TIGD5: variants seen among roughly 807,000 people sequenced by gnomAD.
TIGD5 encodes tigger transposable element-derived protein 5.
TIGD5 carries 24 observed loss-of-function variants against 28.8 expected under a neutral mutation model. That is an observed-to-expected ratio of 0.83 (90% CI 0.60 to 1.17). TIGD5 has a LOEUF of 1.17. TIGD5 is among the 50% of genes most tolerant of loss of function. The pLI, the probability that TIGD5 is intolerant of heterozygous loss-of-function variation, is 0.00. For synonymous variants in TIGD5, 538 were observed against 430.5 expected (o/e 1.25, Z -3.09); for missense variants, 922 against 911.4 (o/e 1.01, Z -0.15).
rs1198043408 is a variant in TIGD5, at chr8:143,597,880, G to A, written c.-24G>A. The A allele has an allele frequency of 2.8e-5, 22 of 797,416 alleles. No homozygotes were observed. The highest frequency in any genetic ancestry group is 3.3e-5 in the Non-Finnish European group (22 of 660,758). The allele number at this position is 797,416 out of a possible 1,614,324, so 49.4% of individuals were successfully genotyped here. On this transcript the variant is annotated 5_prime_UTR_variant, in exon 1 of 1. Coordinates refer to ENST00000504548, the MANE Select transcript of TIGD5 (RefSeq NM_032862.5). ...GCGTGTGGCTCCCGCGACCCGCGCGGCCCGGGTCCCCCCCGCCGCAGCCAT... is the reference window on the plus strand; with the variant it reads ...GCGTGTGGCTCCCGCGACCCGCGCGACCCGGGTCCCCCCCGCCGCAGCCAT...
chr8:143,598,695 G>A lies in TIGD5; in HGVS notation c.792G>A (p.Gly264=). ...APPGAGDPGA[G]GCGRRWRGDR... Reference sequence around the variant, plus strand: ...CGGGCGCAGGGGACCCCGGGGCGGGGGGCTGTGGCCGGCGCTGGCGGGGCG... The same window carrying A: ...CGGGCGCAGGGGACCCCGGGGCGGGAGGCTGTGGCCGGCGCTGGCGGGGCG... Residue 264 remains glycine, a synonymous_variant, in exon 1 of 1, where the codon GGG becomes GGA. Transcript: ENST00000504548. This position sits in a 1 kb window ranked among gnomAD's most constrained non-coding sequence, Gnocchi z 6.6. 3 of 1,501,896 alleles carry A rather than the reference G, an allele frequency of 2.0e-6. No homozygotes were observed. Among genetic ancestry groups the A allele is most frequent in the Non-Finnish European group, 2.6e-6 (3 of 1,135,528 alleles). The allele number at this position is 1,501,896 out of a possible 1,614,324, so 93.0% of individuals were successfully genotyped here.
At position 143,598,224 on chromosome 8, in the gene TIGD5, T is replaced by G. The variant is rs372529199; in HGVS notation, c.321T>G (p.Gly107=). The change falls in exon 1 of 1, where the codon GGT becomes GGG. Residue 107 remains glycine, a synonymous_variant. Coordinates refer to ENST00000504548, the MANE Select transcript of TIGD5 (RefSeq NM_032862.5). This position sits in a 1 kb window ranked among gnomAD's most constrained non-coding sequence, Gnocchi z 6.6. ...KLRWFLEQLG[G]EVGTQRKKMR... is the part of the protein sequence containing the mutation. ...GCTGGTTCCTGGAGCAGCTGGGCGG[T>G]GAGGTGGGCACTCAGCGCAAGAAGA... 12 of 1,607,370 alleles carry G rather than the reference T, an allele frequency of 7.5e-6. No individual in the cohort carries two copies. The South Asian group carries it at 1.3e-4, about 18-fold the overall frequency.
Position 143,599,929 on chromosome 8 carries a change from C to T in TIGD5, c.*97C>T. On this transcript the variant is annotated 3_prime_UTR_variant, in exon 1 of 1. Transcript: ENST00000504548. ...CCTCCCCTCCCCCTGGGGTGGCCCA[C>T]CGCATGGGTACAGGGGGTTCCAGGA... 4 of 1,335,066 alleles carry T rather than the reference C, an allele frequency of 3.0e-6. No individual in the cohort carries two copies. The highest frequency in any genetic ancestry group is 2.9e-6 in the Non-Finnish European group (3 of 1,026,288). The allele number at this position is 1,335,066 out of a possible 1,614,324, so 82.7% of individuals were successfully genotyped here. A position where few individuals can be genotyped will look rare whatever the true frequency, so the allele number is the denominator to read the frequency against.
At position 143,599,327 on chromosome 8, in the gene TIGD5, G is replaced by C. The variant is rs1274119590; in HGVS notation, c.1424G>C (p.Arg475Pro). The change falls in exon 1 of 1, where the codon CGC (arginine) becomes CCC (proline). Residue 475 changes from arginine to proline, a missense_variant. This residue lies in a region of TIGD5 where 821 missense variants were observed against 815.2 expected (regional missense o/e 1.01). Coordinates refer to ENST00000504548, the MANE Select transcript of TIGD5 (RefSeq NM_032862.5). Reference protein sequence around the residue: ...WDLVQAGSIERCWLLGLRAAF... With the variant: ...WDLVQAGSIEPCWLLGLRAAF... ...CTGGTGCAGGCGGGCAGCATTGAGC[G>C]CTGCTGGCTGCTGGGCCTGCGGGCT... 6.3e-6 allele frequency: 10 copies of C among 1,596,214 alleles called. No homozygotes were observed. The highest frequency in any genetic ancestry group is 8.5e-6 in the Non-Finnish European group (10 of 1,172,554).
chr8:143,600,031 C>A lies in TIGD5; in HGVS notation c.*199C>A. 1 of 504,238 alleles carries A rather than the reference C, an allele frequency of 2.0e-6. No homozygotes were observed. The highest frequency in any genetic ancestry group is 3.2e-6 in the Non-Finnish European group (1 of 310,388). The allele number at this position is 504,238 out of a possible 1,614,324, so 31.2% of individuals were successfully genotyped here. A position where few individuals can be genotyped will look rare whatever the true frequency, so the allele number is the denominator to read the frequency against. ...CCTCACTGGCACCCTGGGGGCACAGCTGGAAGAGAGGCCTGGCCCATGCTC... is the reference window on the plus strand; with the variant it reads ...CCTCACTGGCACCCTGGGGGCACAGATGGAAGAGAGGCCTGGCCCATGCTC... On this transcript the variant is annotated 3_prime_UTR_variant, in exon 1 of 1. Transcript: ENST00000504548.
chr8:143,599,043 G>T lies in TIGD5; in HGVS notation c.1140G>T (p.Arg380=). The change falls in exon 1 of 1, where the codon CGG becomes CGT. Residue 380 remains arginine, a synonymous_variant. Transcript: ENST00000504548. ...PALDSEDAPV[R]CRPEPLGPPE... ...TGGACAGCGAGGATGCCCCCGTGCGGTGCAGGCCGGAGCCCCTCGGTCCCC... is the reference window on the plus strand; with the variant it reads ...TGGACAGCGAGGATGCCCCCGTGCGTTGCAGGCCGGAGCCCCTCGGTCCCC... The T allele has an allele frequency of 6.4e-7, 1 of 1,569,816 alleles. No homozygotes were observed. Among genetic ancestry groups the T allele is most frequent in the South Asian group, 1.2e-5 (1 of 86,890 alleles).
rs566946935 is a variant in TIGD5 at position 143,602,511 on chromosome 8, C to T, written c.*2679C>T. 2 of 152,408 alleles carry T rather than the reference C, an allele frequency of 1.3e-5. No homozygotes were observed. Among genetic ancestry groups the T allele is most frequent in the Admixed American group, 1.3e-4 (2 of 15,308 alleles). 9.4% of individuals were successfully genotyped at this position (152,408 alleles called of 1,614,324 possible). ...CCTTTGGGAGGCCAAGTGTTCTTTC[C>T]CAAAGCTGCGCGGGTGCCATCGCCT... On this transcript the variant is annotated 3_prime_UTR_variant, in exon 1 of 1. Coordinates refer to ENST00000504548, the MANE Select transcript of TIGD5 (RefSeq NM_032862.5).
chr8:143,598,544 GC>G lies in TIGD5; in HGVS notation c.646del (p.Leu216CysfsTer60), dbSNP rs1319036958. 3 of 1,298,666 alleles carry G rather than the reference GC, an allele frequency of 2.3e-6. No homozygotes were observed. Among genetic ancestry groups the G allele is most frequent in the East Asian group, 3.2e-5 (1 of 31,066 alleles). 80.4% of individuals were successfully genotyped at this position (1,298,666 alleles called of 1,614,324 possible). A position where few individuals can be genotyped will look rare whatever the true frequency, so the allele number is the denominator to read the frequency against. On this transcript the variant is annotated frameshift_variant, in exon 1 of 1. Coordinates refer to ENST00000504548, the MANE Select transcript of TIGD5 (RefSeq NM_032862.5). LOFTEE classifies it high-confidence loss of function. The surrounding 1 kb of genome is among the most constrained non-coding windows in gnomAD (Gnocchi z 6.6). ...KEEPALPSGA[G>X]PLPDRAPAPP... is the part of the protein sequence containing the mutation. ...GAGCCCGCGCTGCCCTCCGGCGCCG[GC>G]CCCCTGCCCGACCGCGCCCCGGCCC...
Position 143,598,164 on chromosome 8 carries a change from G to C in TIGD5, c.261G>C (p.Thr87=), listed in dbSNP as rs1423193838. ...GCGACTTCGGCGTGCCGGGCGGGAC[G>C]CTGCGCGGCTGGCTCAAGGACGAGC... ...VCRDFGVPGG[T]LRGWLKDEPK... The change falls in exon 1 of 1, where the codon ACG becomes ACC. Residue 87 remains threonine, a synonymous_variant. Coordinates refer to ENST00000504548, the MANE Select transcript of TIGD5 (RefSeq NM_032862.5). The surrounding 1 kb of genome is among the most constrained non-coding windows in gnomAD (Gnocchi z 6.6). 1.2e-5 allele frequency: 19 copies of C among 1,596,498 alleles called. No homozygotes were observed. The highest frequency in any genetic ancestry group is 3.4e-5 in the South Asian group (3 of 89,546).
chr8:143,602,669 G>C lies in TIGD5; in HGVS notation c.*2837G>C, dbSNP rs1312459829. ...GCACATTCCCTGCAGGCGCAGGGGT[G>C]GGTGGGGGTGCCTGTGGCCTCGGAG... On this transcript the variant is annotated 3_prime_UTR_variant, in exon 1 of 1. Transcript: ENST00000504548. 1.3e-5 allele frequency: 2 copies of C among 152,340 alleles called. No homozygotes were observed. Among genetic ancestry groups the C allele is most frequent in the African/African-American group, 2.4e-5 (1 of 41,468 alleles). 9.4% of individuals were successfully genotyped at this position (152,340 alleles called of 1,614,324 possible). A position where few individuals can be genotyped will look rare whatever the true frequency, so the allele number is the denominator to read the frequency against.
rs1489850849 is a variant in TIGD5, at chr8:143,597,884, G to A, written c.-20G>A. The A allele has an allele frequency of 3.5e-5, 28 of 802,252 alleles. No homozygotes were observed. The highest frequency in any genetic ancestry group is 5.6e-5 in the South Asian group (1 of 17,992). The allele number at this position is 802,252 out of a possible 1,614,324, so 49.7% of individuals were successfully genotyped here. ...GTGGCTCCCGCGACCCGCGCGGCCC[G>A]GGTCCCCCCCGCCGCAGCCATGTAC... is the stretch of plus-strand genomic sequence containing the variant. On this transcript the variant is annotated 5_prime_UTR_variant, in exon 1 of 1. Transcript: ENST00000504548.
chr8:143,598,264 G>C lies in TIGD5; in HGVS notation c.361G>C (p.Glu121Gln). The C allele has an allele frequency of 6.2e-7, 1 of 1,610,034 alleles. No individual in the cohort carries two copies. The highest frequency in any genetic ancestry group is 8.5e-7 in the Non-Finnish European group (1 of 1,178,874). Residue 121 changes from glutamate to glutamine, a missense_variant, in exon 1 of 1, where the codon GAG (glutamate) becomes CAG (glutamine). Physicochemically the swap from Glu to Gln is conservative, Grantham distance 29. This residue lies in a region of TIGD5 where 821 missense variants were observed against 815.2 expected (regional missense o/e 1.01). Transcript: ENST00000504548. This position sits in a 1 kb window ranked among gnomAD's most constrained non-coding sequence, Gnocchi z 6.6. ...TQRKKMRLAN[E>Q]EEIDRAVYAW... ...GCGCAAGAAGATGCGGCTGGCCAAC[G>C]AGGAGGAGATCGACCGCGCCGTGTA...
In TIGD5 at chr8:143,602,382, C is replaced by T. The variant is rs1051394050; in HGVS notation, c.*2550C>T. ...GCTGGAACCTGGGGCCCCGTCCCAG[C>T]CCTACCTGCAGCTCACTAACCCTCT... is the stretch of plus-strand genomic sequence containing the variant. On this transcript the variant is annotated 3_prime_UTR_variant, in exon 1 of 1. Transcript: ENST00000504548. 9 of 152,296 alleles carry T rather than the reference C, an allele frequency of 5.9e-5. No homozygotes were observed. Among genetic ancestry groups the T allele is most frequent in the African/African-American group, 1.7e-4 (7 of 41,462 alleles). 9.4% of individuals were successfully genotyped at this position (152,296 alleles called of 1,614,324 possible).
At position 143,598,928 on chromosome 8, in the gene TIGD5, G is replaced by A. The variant is rs1829178297; in HGVS notation, c.1025G>A (p.Arg342His). The stretch of plus-strand genomic sequence containing the variant: ...GAGGAATTTGTCCCAGGCGTCAAAC[G>A]CTACCTGCGCCGAAGCTGCCTGCAG... ...FFEEFVPGVK[R>H]YLRRSCLQQK... Residue 342 changes from arginine to histidine, a missense_variant, in exon 1 of 1, where the codon CGC becomes CAC. Around this residue, in one of 3 missense-constraint regions of TIGD5, gnomAD observed 821 missense variants for 815.2 expected, o/e 1.01. Coordinates refer to ENST00000504548, the MANE Select transcript of TIGD5 (RefSeq NM_032862.5). The surrounding 1 kb of genome is among the most constrained non-coding windows in gnomAD (Gnocchi z 6.6). 3 of 1,592,732 alleles carry A rather than the reference G, an allele frequency of 1.9e-6. No homozygotes were observed. Among genetic ancestry groups the A allele is most frequent in the Non-Finnish European group, 1.7e-6 (2 of 1,177,278 alleles).
chr8:143,597,912 C>T lies in TIGD5; in HGVS notation c.9C>T (p.Pro3=). The T allele has an allele frequency of 4.6e-6, 4 of 861,210 alleles. No homozygotes were observed. Among genetic ancestry groups the T allele is most frequent in the South Asian group, 5.1e-5 (1 of 19,608 alleles). 53.3% of individuals were successfully genotyped at this position (861,210 alleles called of 1,614,324 possible). ...TCCCCCCCGCCGCAGCCATGTACCC[C>T]GCGGGCCCCCCGGCCGGCCCGGTAC... The part of the protein sequence containing the change: MY[P]AGPPAGPVPR... The change falls in exon 1 of 1, where the codon CCC becomes CCT. Residue 3 remains proline, a synonymous_variant. Transcript: ENST00000504548.
chr8:143,599,578 C>A lies in TIGD5; in HGVS notation c.1675C>A (p.Pro559Thr). 1 of 1,529,948 alleles carries A rather than the reference C, an allele frequency of 6.5e-7. No homozygotes were observed. Among genetic ancestry groups the A allele is most frequent in the South Asian group, 1.3e-5 (1 of 79,154 alleles). 94.8% of individuals were successfully genotyped at this position (1,529,948 alleles called of 1,614,324 possible). ...VGPALPPAAP[P>T]APASLPSAMG... Reference sequence around the variant, plus strand: ...CCCAGCCCTGCCCCCTGCAGCGCCTCCGGCCCCAGCCAGTCTGCCCTCTGC... The same window carrying A: ...CCCAGCCCTGCCCCCTGCAGCGCCTACGGCCCCAGCCAGTCTGCCCTCTGC... The change falls in exon 1 of 1, where the codon CCG becomes ACG. Residue 559 changes from proline to threonine, a missense_variant. Physicochemically the swap from Pro to Thr is conservative, Grantham distance 38. Coordinates refer to ENST00000504548, the MANE Select transcript of TIGD5 (RefSeq NM_032862.5).
rs1302166421 is a variant in TIGD5 at position 143,597,915 on chromosome 8, G to A, written c.12G>A (p.Ala4=). 2.3e-6 allele frequency: 2 copies of A among 854,214 alleles called. No individual in the cohort carries two copies. The highest frequency in any genetic ancestry group is 1.9e-5 in the African/African-American group (1 of 53,600). The allele number at this position is 854,214 out of a possible 1,614,324, so 52.9% of individuals were successfully genotyped here. A position where few individuals can be genotyped will look rare whatever the true frequency, so the allele number is the denominator to read the frequency against. ...CCCCCGCCGCAGCCATGTACCCCGCGGGCCCCCCGGCCGGCCCGGTACCGC... is the reference window on the plus strand; with the variant it reads ...CCCCCGCCGCAGCCATGTACCCCGCAGGCCCCCCGGCCGGCCCGGTACCGC... The part of the protein sequence containing the change: MYP[A]GPPAGPVPRR... The change falls in exon 1 of 1, where the codon GCG becomes GCA. Residue 4 remains alanine, a synonymous_variant. Coordinates refer to ENST00000504548, the MANE Select transcript of TIGD5 (RefSeq NM_032862.5).
rs1034250541 is a variant in TIGD5, at chr8:143,598,551, G to T, written c.648G>T (p.Leu216=). 12 of 1,311,028 alleles carry T rather than the reference G, an allele frequency of 9.2e-6. No homozygotes were observed. The highest frequency in any genetic ancestry group is 1.2e-5 in the Non-Finnish European group (12 of 1,037,476). 81.2% of individuals were successfully genotyped at this position (1,311,028 alleles called of 1,614,324 possible). The part of the protein sequence containing the change: ...EPALPSGAGP[L]PDRAPAPPPP... Reference sequence around the variant, plus strand: ...CGCTGCCCTCCGGCGCCGGCCCCCTGCCCGACCGCGCCCCGGCCCCGCCGC... The same window carrying T: ...CGCTGCCCTCCGGCGCCGGCCCCCTTCCCGACCGCGCCCCGGCCCCGCCGC... The change falls in exon 1 of 1, where the codon CTG becomes CTT. Residue 216 remains leucine, a synonymous_variant. Transcript: ENST00000504548. The surrounding 1 kb of genome is among the most constrained non-coding windows in gnomAD (Gnocchi z 6.6).
In TIGD5 at chr8:143,600,896, G is replaced by C. The variant is rs1829250101; in HGVS notation, c.*1064G>C. 1 of 152,496 alleles carries C rather than the reference G, an allele frequency of 6.6e-6. No individual in the cohort carries two copies. The highest frequency in any genetic ancestry group is 2.1e-4 in the South Asian group (1 of 4,840). 9.4% of individuals were successfully genotyped at this position (152,496 alleles called of 1,614,324 possible). A position where few individuals can be genotyped will look rare whatever the true frequency, so the allele number is the denominator to read the frequency against. ...AGTCCTTCTGGTTGGACTGGGGCCA[G>C]GGATGCCCATGCCTCCTCAGGTAGG... On this transcript the variant is annotated 3_prime_UTR_variant, in exon 1 of 1. Transcript: ENST00000504548.
Sources: allele counts gnomAD v4.1 joint callset, GRCh38; gene constraint gnomAD v4.1.1; regional missense constraint gnomAD v4.1.1; non-coding constraint Gnocchi (gnomAD v3.1); transcripts MANE v1.5; gene names NCBI Gene and HGNC (gene_info 2026-07-23, HGNC 2026-07-21).